The following IGSF5 variants were observed in gnomAD, a reference collection of about 807,000 sequenced individuals.
IGSF5 encodes immunoglobulin superfamily member 5, also known as immunoglobulin superfamily 5 like.
A neutral mutation model predicts 39.4 loss-of-function variants in IGSF5; 41 were observed. The ratio of observed to expected loss-of-function variants is 1.04; its 90% CI spans 0.81 to 1.35. IGSF5 has a LOEUF of 1.35. Among genes scored for constraint, IGSF5 ranks in the 40% most tolerant of loss-of-function variants. IGSF5 has a pLI of 0.00. For missense variants in IGSF5, 487 were observed against 494.6 expected (o/e 0.98, Z 0.15); for synonymous variants, 183 against 175.3 (o/e 1.04, Z -0.34).
chr21:39,712,366 G>A, the IGSF5 span, among the ~76,000 whole-genome samples: 10 of 152,194 alleles, frequency 6.6e-5, no homozygotes, highest in Admixed American at 5.9e-4. Flanking sequence ...CAGGATTCAC[G>A]TGGGTGGACC....
In IGSF5 at chr21:39,783,804, T is replaced by G. The variant is rs1419845182; in HGVS notation, c.935-4363T>G. Among the ~76,000 whole-genome samples the G allele has an allele frequency of 3.3e-5, 5 of 152,220 alleles. No homozygotes were observed. The East Asian group carries it at 9.6e-4, about 29-fold the overall frequency. ...CATAAAATCTTTGTCTAGGCCAATG[T>G]CCTGAAGGATTTATCCTATGTTTTC... On this transcript the variant is annotated intron_variant, in intron 5 of 8. Transcript: ENST00000380588.
chr21:39,712,294 C>T, the IGSF5 span, among the ~76,000 whole-genome samples: 2 of 152,194 alleles, frequency 1.3e-5, no homozygotes, highest in South Asian at 2.1e-4. Flanking sequence ...CCCATGCTCA[C>T]TTGCACGCTG....
chr21:39,799,410 G>A (rs1025187485), intron 8 of IGSF5, among the ~76,000 whole-genome samples: 2 of 152,138 alleles, frequency 1.3e-5, no homozygotes, highest in Non-Finnish European at 2.9e-5. Context: ...CACACTCTTG[G>A]GCCTCCGCCA....
chr21:39,786,627 T>C (rs2086921967), intron 5 of IGSF5, among the ~76,000 whole-genome samples: 1 of 150,700 alleles, frequency 6.6e-6, no homozygotes, highest in Non-Finnish European at 1.5e-5. Flanking sequence ...CAAAGGACTA[T>C]AAATCATGCT....
At chr21:39,718,388 G>A in the IGSF5 span, among the ~76,000 whole-genome samples, 5 of 152,160 alleles carry the variant, frequency 3.3e-5, no homozygotes, top group Non-Finnish European at 7.3e-5. Context: ...ATACTATGCT[G>A]AATGGAAGTG....
intron 4 of IGSF5, among the ~76,000 whole-genome samples, chr21:39,778,066 T>C (rs553088372): frequency 6.6e-6 from 1 of 152,332 alleles, no homozygotes; most frequent in Non-Finnish European, 1.5e-5. Flanking sequence ...TTTTGTTGAA[T>C]AACAATTCAC....
chr21:39,753,273 T>G (rs1443558107), intron 2 of IGSF5, among the ~76,000 whole-genome samples: 1 of 152,226 alleles, frequency 6.6e-6, no homozygotes, highest in African/African-American at 2.4e-5. Context: ...TTATTTTTTT[T>G]GTATGCTCGG....
chr21:39,783,067 C>T (rs573438388), intron 5 of IGSF5, among the ~76,000 whole-genome samples: 14 of 152,242 alleles, frequency 9.2e-5, no homozygotes, highest in Admixed American at 3.3e-4. Flanking sequence ...TTCTGTTTTA[C>T]GGTGGAATAG....
Position 39,800,145 on chromosome 21 carries a change from A to G in IGSF5, c.1129-1117A>G, listed in dbSNP as rs141901792. Among the ~76,000 whole-genome samples, 219 of 152,312 alleles carry G rather than the reference A, an allele frequency of 1.4e-3. 1 individual carries two copies. The East Asian group carries it at 0.031, about 22-fold the overall frequency. On this transcript the variant is annotated intron_variant, in intron 8 of 8. Transcript: ENST00000380588. Reference sequence around the variant, plus strand: ...GGGAAAGGCATGCTTTTTTATTTCAATATGAAGCCAGGGGATTTGCAAATG... The same window carrying G: ...GGGAAAGGCATGCTTTTTTATTTCAGTATGAAGCCAGGGGATTTGCAAATG...
intron 4 of IGSF5, among the ~76,000 whole-genome samples, chr21:39,771,948 A>G (rs561901513): frequency 2.5e-4 from 38 of 152,344 alleles, no homozygotes; most frequent in African/African-American, 9.1e-4. Context: ...CGGGTCACAC[A>G]GCCAAAGTGG....
At chr21:39,746,603 T>C (rs2079976136) in intron 2 of IGSF5, among the ~76,000 whole-genome samples, 1 of 152,164 alleles carries the variant, frequency 6.6e-6, no homozygotes. Context: ...ATAATTCAAC[T>C]CAGAAGGGTC....
chr21:39,791,145 T>A (rs1034537415), intron 6 of IGSF5, among the ~76,000 whole-genome samples: 25 of 152,140 alleles, frequency 1.6e-4, no homozygotes, highest in Non-Finnish European at 2.9e-5. Context: ...AGTGCCACAT[T>A]TTTCCAAAGA....
chr21:39,783,725 A>G (rs1474255483), intron 5 of IGSF5, among the ~76,000 whole-genome samples: 2 of 152,106 alleles, frequency 1.3e-5, no homozygotes, highest in Non-Finnish European at 2.9e-5. Flanking sequence ...TCAGTTTAAT[A>G]TAGTCCCATT....
At chr21:39,734,439 T>C in the IGSF5 span, among the ~76,000 whole-genome samples, 770 of 120,190 alleles carry the variant, frequency 6.4e-3, 6 homozygotes, top group East Asian at 0.023. Flanking sequence ...AAAAAAAAAA[T>C]ACACACACAC....
intron 2 of IGSF5, among the ~76,000 whole-genome samples, chr21:39,754,171 TG>T (rs2080018946): frequency 6.6e-6 from 1 of 152,244 alleles, no homozygotes; most frequent in Non-Finnish European, 1.5e-5. Flanking sequence ...TAGCATTTCT[TG>T]TAGTGCTGGT....
At chr21:39,734,491 A>G in the IGSF5 span, among the ~76,000 whole-genome samples, 44 of 150,598 alleles carry the variant, frequency 2.9e-4, no homozygotes, top group African/African-American at 7.9e-4. Flanking sequence ...ACTCATTATA[A>G]TATCATACAG....
the IGSF5 span, among the ~76,000 whole-genome samples, chr21:39,727,264 A>G: frequency 6.6e-6 from 1 of 152,192 alleles, no homozygotes; most frequent in Non-Finnish European, 1.5e-5. Context: ...GTTCACAGTA[A>G]AGGTTCTGTT....
At chr21:39,772,638 C>A (rs141141724) in intron 4 of IGSF5, among the ~76,000 whole-genome samples, 131 of 152,252 alleles carry the variant, frequency 8.6e-4, no homozygotes, top group Middle Eastern at 6.8e-3. Context: ...TTTTTATGGT[C>A]TTTTCTGAGA....
chr21:39,792,856 ACTC>A (rs1344618174), intron 7 of IGSF5, among the ~76,000 whole-genome samples: 3 of 151,890 alleles, frequency 2.0e-5, no homozygotes, highest in African/African-American at 7.3e-5. Flanking sequence ...GGCTGAACCC[ACTC>A]CTCCTCTGCA....
Sources: gnomAD v4.1 joint callset for allele counts (sites outside exome capture counted in the v4.1 genomes callset) on GRCh38, gnomAD v4.1.1 for gene constraint, MANE v1.5 for transcripts, NCBI Gene and HGNC (gene_info 2026-07-23, HGNC 2026-07-21) for gene names.